The following TMPRSS4 variants were observed in gnomAD, a reference collection of about 807,000 sequenced individuals.
The protein encoded by TMPRSS4 is transmembrane serine protease 4.
Under a neutral mutation model 56.4 loss-of-function variants are expected in TMPRSS4, and 45 were observed. That is an observed-to-expected ratio of 0.80 (90% CI 0.63 to 1.02). The LOEUF is 1.02. Ranked by LOEUF, TMPRSS4 falls within the 50% of genes least tolerant of loss-of-function variation. The pLI is 0.00. For missense variants in TMPRSS4, 546 were observed against 556.7 expected (o/e 0.98, Z 0.19); for synonymous variants, 205 against 211.0 (o/e 0.97, Z 0.25).
intron 6 of TMPRSS4, 43 bp from the exon 7 acceptor site, chr11:118,108,813 G>C (rs761245856): frequency 6.2e-7 from 1 of 1,610,932 alleles, no homozygotes; most frequent in African/African-American, 1.3e-5. Flanking sequence ...CCTCCCAGCT[G>C]AGGAAGAAGC....
intron 5 of TMPRSS4, 180 bp from the exon 6 acceptor site, chr11:118,107,594 T>TTCTTTATTGTA (rs1199087137): frequency 3.8e-6 from 2 of 522,978 alleles, no homozygotes; most frequent in Non-Finnish European, 6.8e-6. Context: ...CAAGGGTCGG[T>TTCTTTATTGTA]TCTTTATTGT....
chr11:118,115,351 A>G, intron 11 of TMPRSS4, 71 bp downstream of exon 11: 1 of 1,554,852 alleles, frequency 6.4e-7, no homozygotes, highest in African/African-American at 1.4e-5. Flanking sequence ...GAAAACCCAG[A>G]GGCTGCATGC....
At chr11:118,079,876 G>T (rs1403972696) in intron 1 of TMPRSS4, among the ~76,000 whole-genome samples, 1 of 152,194 alleles carries the variant, frequency 6.6e-6, no homozygotes, top group Non-Finnish European at 1.5e-5. Context: ...TAGGCTCTGA[G>T]GTGGTAAACT....
rs200732603 is a variant in TMPRSS4, at chr11:118,117,314, G to C, written c.1162G>C (p.Gly388Arg). 75 of 1,614,116 alleles carry C rather than the reference G, an allele frequency of 4.6e-5. No individual in the cohort carries two copies. The Admixed American group carries it at 7.8e-4, about 17-fold the overall frequency. ...GGVDTCQGDS[G>R]GPLMYQSDQW... Reference sequence around the variant, plus strand: ...TTCTGGTCTCTCACAGGGTGACAGTGGTGGGCCCCTGATGTACCAATCTGA... The same window carrying C: ...TTCTGGTCTCTCACAGGGTGACAGTCGTGGGCCCCTGATGTACCAATCTGA... Residue 388 changes from glycine to arginine, a missense_variant, in exon 12 of 13, where the codon GGT (glycine) becomes CGT (arginine). Transcript: ENST00000437212.
Position 118,104,833 on chromosome 11 carries a change from G to A in TMPRSS4, c.440+13G>A. 1 of 1,562,416 alleles carries A rather than the reference G, an allele frequency of 6.4e-7. No individual in the cohort carries two copies. The highest frequency in any genetic ancestry group is 8.7e-7 in the Non-Finnish European group (1 of 1,153,402). ...TGGGCTACAGCAGGTAACCAACCTG[G>A]GCCTCTCTCCTTTTTCCCTCCTTCC... On this transcript the variant is annotated intron_variant, in intron 5 of 12. Coordinates refer to ENST00000437212, the MANE Select transcript of TMPRSS4 (RefSeq NM_019894.4).
At chr11:118,080,003 A>C (rs949502348) in intron 1 of TMPRSS4, among the ~76,000 whole-genome samples, 10 of 150,718 alleles carry the variant, frequency 6.6e-5, no homozygotes, top group African/African-American at 2.4e-4. Flanking sequence ...CACTGTAACC[A>C]CTCCCCCCCC....
intron 6 of TMPRSS4, chr11:118,108,198 A>C (rs1947096217): frequency 8.9e-6 from 2 of 225,108 alleles, no homozygotes; most frequent in South Asian, 1.1e-4. Flanking sequence ...TTTTCTAATA[A>C]ATTGCCCAAT....
chr11:118,084,827 A>G (rs1363800695), intron 1 of TMPRSS4, among the ~76,000 whole-genome samples: 5 of 152,222 alleles, frequency 3.3e-5, no homozygotes, highest in Admixed American at 3.3e-4. Context: ...AGACTCAGAA[A>G]AATTTATTAA....
chr11:118,108,836 G>A lies in TMPRSS4; in HGVS notation c.543-20G>A, dbSNP rs757511639. 6 of 1,613,932 alleles carry A rather than the reference G, an allele frequency of 3.7e-6. No homozygotes were observed. The South Asian group carries it at 6.6e-5, about 18-fold the overall frequency. On this transcript the variant is annotated intron_variant, in intron 6 of 12. Coordinates refer to ENST00000437212, the MANE Select transcript of TMPRSS4 (RefSeq NM_019894.4). ...CTGAGGAAGAAGCTTAAATCACAGG[G>A]CGCTGTGTCTGTCTTCCAGGCCCTG...
chr11:118,119,393 G>A lies in TMPRSS4; in HGVS notation c.*1480G>A, dbSNP rs553496305. On this transcript the variant is annotated 3_prime_UTR_variant, in exon 13 of 13. Coordinates refer to ENST00000437212, the MANE Select transcript of TMPRSS4 (RefSeq NM_019894.4). The stretch of plus-strand genomic sequence containing the variant: ...AAAATTTCCCAAATTTAGAGCCTCA[G>A]GATTCCCAAAGATCCTCCAAATATG... 114 of 978,962 alleles carry A rather than the reference G, an allele frequency of 1.2e-4. 1 individual carries two copies. The South Asian group carries it at 5.2e-3, about 44-fold the overall frequency. The allele number at this position is 978,962 out of a possible 1,614,324, so 60.6% of individuals were successfully genotyped here.
intron 1 of TMPRSS4, among the ~76,000 whole-genome samples, chr11:118,090,651 G>A (rs1429635857): frequency 6.6e-6 from 1 of 150,776 alleles, no homozygotes; most frequent in African/African-American, 2.4e-5. Context: ...GATGGTGCAT[G>A]CCTGTAGTCC....
chr11:118,110,580 C>T (rs1371169312), intron 7 of TMPRSS4, among the ~76,000 whole-genome samples: 8 of 152,174 alleles, frequency 5.3e-5, no homozygotes. Flanking sequence ...ACCATGTTGG[C>T]CAGGCTAGTC....
At chr11:118,110,045 A>T (rs1178144082) in intron 7 of TMPRSS4, among the ~76,000 whole-genome samples, 1 of 152,232 alleles carries the variant, frequency 6.6e-6, no homozygotes, top group Non-Finnish European at 1.5e-5. Flanking sequence ...GCCAATACCC[A>T]GGACAGCCTG....
intron 1 of TMPRSS4, among the ~76,000 whole-genome samples, chr11:118,078,013 C>CAAAAAAAAAAAAAAAAAAAAAAAAAAAA (rs148383275): frequency 1.4e-5 from 1 of 71,052 alleles, no homozygotes; most frequent in African/African-American, 5.5e-5. Context: ...AACTCCGTCT[C>CAAAAAAAAAAAAAAAAAAAAAAAAAAAA]AAAAAAAAAA....
downstream of TMPRSS4, among the ~76,000 whole-genome samples, chr11:118,123,668 G>A (rs1051850368): frequency 8.6e-5 from 13 of 151,980 alleles, no homozygotes; most frequent in Non-Finnish European, 1.6e-4. Flanking sequence ...GACTACAGGC[G>A]CCCGCCACTA....
chr11:118,114,100 T>C (rs1458705822), intron 9 of TMPRSS4, among the ~76,000 whole-genome samples: 1 of 152,226 alleles, frequency 6.6e-6, no homozygotes, highest in Non-Finnish European at 1.5e-5. Flanking sequence ...TTAACCTACA[T>C]TTTTTAAATT....
chr11:118,099,253 T>G, intron 3 of TMPRSS4, 155 bp downstream of exon 3: 1 of 514,554 alleles, frequency 1.9e-6, no homozygotes, highest in Non-Finnish European at 3.4e-6. Context: ...ACCCACTCAG[T>G]AAGTGGCAGC....
At position 118,120,156 on chromosome 11, in the gene TMPRSS4, C is replaced by T. The variant is rs1947746265; in HGVS notation, c.*2243C>T. ...TCACATTGTGTCTTCAAGTTTCACCCATGTTGTAGCATGTGTCAGAATTTC... is the reference window on the plus strand; with the variant it reads ...TCACATTGTGTCTTCAAGTTTCACCTATGTTGTAGCATGTGTCAGAATTTC... On this transcript the variant is annotated 3_prime_UTR_variant, in exon 13 of 13. Transcript: ENST00000437212. 6.6e-6 allele frequency: 1 copy of T among 152,208 alleles called. No homozygotes were observed. Among genetic ancestry groups the T allele is most frequent in the African/African-American group, 2.4e-5 (1 of 41,442 alleles). 9.4% of individuals were successfully genotyped at this position (152,208 alleles called of 1,614,324 possible).
chr11:118,123,438 C>G (rs1478184185), downstream of TMPRSS4, among the ~76,000 whole-genome samples: 1 of 152,176 alleles, frequency 6.6e-6, no homozygotes, highest in Non-Finnish European at 1.5e-5. Flanking sequence ...AATGACACCA[C>G]TAAAAGACAA....
Sources: gnomAD v4.1 joint callset for allele counts (sites outside exome capture counted in the v4.1 genomes callset) on GRCh38, gnomAD v4.1.1 for gene constraint, MANE v1.5 for transcripts, NCBI Gene and HGNC (gene_info 2026-07-23, HGNC 2026-07-21) for gene names.